The following NFRKB variants were observed in gnomAD, a reference collection of about 807,000 sequenced individuals.
NFRKB encodes nuclear factor related to kappa-B-binding protein.
A neutral mutation model predicts 135.7 loss-of-function variants in NFRKB; 62 were observed. The observed-to-expected ratio is 0.46, with a 90% CI of 0.37 to 0.56. The LOEUF (loss-of-function observed/expected upper bound fraction) is 0.56, where lower values mean the gene tolerates loss of function less well. NFRKB is among the 20% of genes least tolerant of loss of function. The probability of loss-of-function intolerance (pLI) is 0.00; values close to 1 mark genes in which losing one functional copy is unlikely to be tolerated. For missense variants in NFRKB, 1,545 were observed against 1,662.0 expected, an observed-to-expected ratio of 0.93 and a Z score of 1.22; for synonymous variants, 678 against 635.6, an observed-to-expected ratio of 1.07 and a Z score of -1.00.
At chr11:129,877,896 A>G (rs1948846258) in intron 15 of NFRKB, among the ~76,000 whole-genome samples, 1 of 152,200 alleles carries the variant, frequency 6.6e-6, no homozygotes, top group Non-Finnish European at 1.5e-5. Context: ...AATGTGATAT[A>G]AAGAGCCTAG....
rs368899024 is a variant in NFRKB, at chr11:129,882,487, G to A, written c.1046C>T (p.Ala349Val). 6 of 1,613,858 alleles carry A rather than the reference G, an allele frequency of 3.7e-6. No homozygotes were observed. Among genetic ancestry groups the A allele is most frequent in the East Asian group, 2.2e-5 (1 of 44,890 alleles). Residue 349 changes from alanine (A) to valine (V), a missense_variant, in exon 10 of 27, where the codon GCC becomes GTC. Transcript: ENST00000682444. The stretch of plus-strand genomic sequence containing the variant: ...AGCAGGAATTGCCAGCGGAGAGGGG[G>A]CCTGTGAGAGAGGTGCGACCCCTTC... ...STEGVAPLSQ[A>V]PSPLAIPAIK...
At chr11:129,880,555 C>T (rs1262010957) in intron 13 of NFRKB, among the ~76,000 whole-genome samples, 1 of 152,176 alleles carries the variant, frequency 6.6e-6, no homozygotes, top group African/African-American at 2.4e-5. Flanking sequence ...ATTCATCATA[C>T]ACCTCTGCTC....
chr11:129,893,070 G>C, intron 2 of NFRKB, 200 bp from the exon 3 acceptor site: 1 of 1,421,304 alleles, frequency 7.0e-7, no homozygotes, highest in Non-Finnish European at 9.2e-7. Context: ...ACCTGGAAGA[G>C]CTCTTTTCTC....
chr11:129,865,231 G>A, intron 25 of NFRKB, 130 bp from the exon 26 acceptor site: 1 of 1,087,980 alleles, frequency 9.2e-7, no homozygotes, highest in South Asian at 1.6e-5. Flanking sequence ...AGATTGAAAT[G>A]GAAACCAACT....
At position 129,888,671 on chromosome 11, in the gene NFRKB, T is replaced by C; in HGVS notation, c.260A>G (p.Glu87Gly). Residue 87 changes from glutamate to glycine, a missense_variant, in exon 4 of 27, where the codon GAA (glutamate) becomes GGA (glycine). This residue lies in a region of NFRKB where 678 missense variants were observed against 646.7 expected (regional missense o/e 1.05). Transcript: ENST00000682444. The part of the protein sequence containing the change: ...FPEDSAEQQN[E>G]LILALFSGEN... ...CCCACTGAACAAGGCTAAGATGAGT[T>C]CATTCTGCTGCTCAGCACTGTCTTC... The C allele has an allele frequency of 6.2e-7, 1 of 1,614,208 alleles. No homozygotes were observed. Among genetic ancestry groups the C allele is most frequent in the East Asian group, 2.2e-5 (1 of 44,876 alleles).
At chr11:129,870,976 T>G (rs992082530) in intron 23 of NFRKB, among the ~76,000 whole-genome samples, 7 of 152,058 alleles carry the variant, frequency 4.6e-5, no homozygotes, top group African/African-American at 1.7e-4. Context: ...GAAGCAAAAT[T>G]CCTCTAAAAA....
At chr11:129,885,368 T>C in intron 6 of NFRKB, 67 bp downstream of exon 6, 1 of 1,524,018 alleles carries the variant, frequency 6.6e-7, no homozygotes, top group Non-Finnish European at 8.9e-7. Context: ...TACCACTGGC[T>C]CCAACCGGAC....
In NFRKB at chr11:129,869,920, A is replaced by C. The variant is rs1343180496; in HGVS notation, c.3105T>G (p.Thr1035=). The change falls in exon 24 of 27, where the codon ACT becomes ACG. Residue 1035 remains threonine, a synonymous_variant. Coordinates refer to ENST00000682444, the MANE Select transcript of NFRKB (RefSeq NM_001143835.2). ...CTTTGACCACAGTGGTACCTGTTGGAGTGGATGAAGGGGCACTGGCTGAAC... is the reference window on the plus strand; with the variant it reads ...CTTTGACCACAGTGGTACCTGTTGGCGTGGATGAAGGGGCACTGGCTGAAC... ...KASSASAPSS[T]PTGTTVVKVT... 7.4e-6 allele frequency: 12 copies of C among 1,614,162 alleles called. No homozygotes were observed. Among genetic ancestry groups the C allele is most frequent in the Non-Finnish European group, 1.0e-5 (12 of 1,180,034 alleles).
intron 17 of NFRKB, 53 bp from the exon 18 acceptor site, chr11:129,875,516 G>C (rs2135648531): frequency 3.5e-6 from 5 of 1,421,880 alleles, no homozygotes; most frequent in Non-Finnish European, 2.9e-6. Flanking sequence ...TTCCTACGGA[G>C]GTACAATCTC....
chr11:129,886,351 T>C lies in NFRKB; in HGVS notation c.431A>G (p.His144Arg). 2 of 1,614,134 alleles carry C rather than the reference T, an allele frequency of 1.2e-6. No homozygotes were observed. Among genetic ancestry groups the C allele is most frequent in the Non-Finnish European group, 1.7e-6 (2 of 1,180,010 alleles). ...RYLNSQQQYFHRLLKQILASR... is the reference protein window; with the variant it reads ...RYLNSQQQYFRRLLKQILASR... Reference sequence around the variant, plus strand: ...AGCAAGAATTTGCTTCAGCAGCCGATGGAAATACTGCTGCTGGGAGTTGAG... The same window carrying C: ...AGCAAGAATTTGCTTCAGCAGCCGACGGAAATACTGCTGCTGGGAGTTGAG... The change falls in exon 5 of 27, where the codon CAT becomes CGT. Residue 144 changes from histidine to arginine, a missense_variant. Physicochemically the swap from His to Arg is conservative, Grantham distance 29. Coordinates refer to ENST00000682444, the MANE Select transcript of NFRKB (RefSeq NM_001143835.2).
intron 23 of NFRKB, among the ~76,000 whole-genome samples, chr11:129,871,564 G>C (rs1948507810): frequency 6.6e-6 from 1 of 152,044 alleles, no homozygotes; most frequent in Non-Finnish European, 1.5e-5. Flanking sequence ...CCATGGATGG[G>C]GTAAGTCTCA....
chr11:129,882,993 G>A lies in NFRKB; in HGVS notation c.901+129C>T, dbSNP rs1949101553. 3 of 760,014 alleles carry A rather than the reference G, an allele frequency of 3.9e-6. No individual in the cohort carries two copies. In the South Asian group the frequency reaches 5.3e-5, roughly 13 times the overall value. The allele number at this position is 760,014 out of a possible 1,614,324, so 47.1% of individuals were successfully genotyped here. Reference sequence around the variant, plus strand: ...ACATTCATTTCCCACCTGTTAGCCTGTAAGAGGTAATAATAAAGGTTACCA... The same window carrying A: ...ACATTCATTTCCCACCTGTTAGCCTATAAGAGGTAATAATAAAGGTTACCA... On this transcript the variant is annotated intron_variant, in intron 9 of 26. Transcript: ENST00000682444.
At chr11:129,893,190 T>C in intron 2 of NFRKB, 1 of 741,456 alleles carries the variant, frequency 1.3e-6, no homozygotes, top group Non-Finnish European at 1.9e-6. Context: ...ATCTATAATT[T>C]ACACTTCCCA....
chr11:129,867,389 G>A (rs1197215600), intron 24 of NFRKB, among the ~76,000 whole-genome samples: 3 of 144,204 alleles, frequency 2.1e-5, no homozygotes, highest in Admixed American at 7.3e-5. Context: ...GCAATGGCAC[G>A]ATCTTGGCTC....
At chr11:129,890,537 G>A (rs1013032949) in intron 3 of NFRKB, among the ~76,000 whole-genome samples, 2 of 152,302 alleles carry the variant, frequency 1.3e-5, no homozygotes, top group East Asian at 1.9e-4. Flanking sequence ...TTTGGCATAC[G>A]ACCAAAGAAG....
intron 16 of NFRKB, 66 bp downstream of exon 16, chr11:129,877,259 A>G: frequency 6.8e-7 from 1 of 1,464,502 alleles, no homozygotes; most frequent in Non-Finnish European, 9.6e-7. Flanking sequence ...CAGGAGAGTC[A>G]GGCTCAGAGC....
chr11:129,873,658 C>T, intron 22 of NFRKB, 87 bp downstream of exon 22: 11 of 1,536,064 alleles, frequency 7.2e-6, no homozygotes, highest in East Asian at 4.5e-5. Flanking sequence ...GCTCCCCAGT[C>T]CTTACCCAGA....
In NFRKB at chr11:129,886,411, C is replaced by T. The variant is rs1005701209; in HGVS notation, c.371G>A (p.Arg124Gln). Residue 124 changes from arginine to glutamine, a missense_variant, in exon 5 of 27, where the codon CGG becomes CAG. Around this residue, in one of 3 missense-constraint regions of NFRKB, gnomAD observed 678 missense variants for 646.7 expected, o/e 1.05. Transcript: ENST00000682444. ...GHFNPEVVKY[R>Q]QLCFKSQYKR... is the part of the protein sequence containing the mutation. ...GTACTGTGACTTGAAGCATAACTGC[C>T]GGTACTTGACCACCTCGGGGTTAAA... 1.9e-6 allele frequency: 3 copies of T among 1,613,798 alleles called. No individual in the cohort carries two copies. The highest frequency in any genetic ancestry group is 2.5e-6 in the Non-Finnish European group (3 of 1,179,950).
chr11:129,874,846 A>C lies in NFRKB; in HGVS notation c.1925T>G (p.Ile642Ser). The change falls in exon 19 of 27, where the codon ATT becomes AGT. Residue 642 changes from isoleucine (I) to serine (S), a missense_variant. Ile to Ser is a moderately radical substitution (Grantham distance 142). Around this residue, in one of 3 missense-constraint regions of NFRKB, gnomAD observed 114 missense variants for 211.0 expected, o/e 0.54. Coordinates refer to ENST00000682444, the MANE Select transcript of NFRKB (RefSeq NM_001143835.2). This position sits in a 1 kb window ranked among gnomAD's most constrained non-coding sequence, Gnocchi z 4.5. Reference sequence around the variant, plus strand: ...CAGGTAGATCCACAGCTTTCGTCCAATGTCGTATTTCACACAGGGATCTTT... The same window carrying C: ...CAGGTAGATCCACAGCTTTCGTCCACTGTCGTATTTCACACAGGGATCTTT... ...YEKDPCVKYD[I>S]GRKLWIYLHR... 1 of 1,614,176 alleles carries C rather than the reference A, an allele frequency of 6.2e-7. No homozygotes were observed. The highest frequency in any genetic ancestry group is 8.5e-7 in the Non-Finnish European group (1 of 1,180,028).
Sources: allele counts gnomAD v4.1 joint callset (sites outside exome capture counted in the v4.1 genomes callset), GRCh38; gene constraint gnomAD v4.1.1; regional missense constraint gnomAD v4.1.1; non-coding constraint Gnocchi (gnomAD v3.1); transcripts MANE v1.5; gene names NCBI Gene and HGNC (gene_info 2026-07-23, HGNC 2026-07-21).